CAMTA1: variants seen among roughly 807,000 people sequenced by gnomAD.
CAMTA1 encodes calmodulin-binding transcription activator 1.
Under a neutral mutation model 170.9 loss-of-function variants are expected in CAMTA1, and 27 were observed. That is an observed-to-expected ratio of 0.16 (90% confidence interval 0.12 to 0.22). CAMTA1 has a LOEUF of 0.22. Among genes scored for constraint, CAMTA1 ranks in the 10% least tolerant of loss-of-function variants. CAMTA1 has a pLI of 1.00. For synonymous variants in CAMTA1, 833 were observed against 891.5 expected (o/e 0.93, Z 1.17); for missense variants, 1,619 against 2,217.2 (o/e 0.73, Z 5.42).
chr1:7,099,831 C>T (rs367715119), intron 4 of CAMTA1, among the ~76,000 whole-genome samples: 2 of 152,212 alleles, frequency 1.3e-5, no homozygotes, highest in Non-Finnish European at 2.9e-5. Context: ...GGAATGTCAG[C>T]ATTGGGTATG....
At chr1:7,329,289 T>A (rs2082879075) in intron 5 of CAMTA1, among the ~76,000 whole-genome samples, 1 of 152,224 alleles carries the variant, frequency 6.6e-6, no homozygotes, top group African/African-American at 2.4e-5. Flanking sequence ...TATGACTAAA[T>A]GTTTTCTAAA....
At chr1:7,472,541 C>T (rs1213230451) in intron 6 of CAMTA1, among the ~76,000 whole-genome samples, 1 of 152,120 alleles carries the variant, frequency 6.6e-6, no homozygotes, top group Non-Finnish European at 1.5e-5. Flanking sequence ...TCCGCTGCCT[C>T]CCCTGGGGGC....
At chr1:6,886,141 G>C in intron 3 of CAMTA1, 1 of 448,160 alleles carries the variant, frequency 2.2e-6, no homozygotes, top group Non-Finnish European at 4.5e-6. Flanking sequence ...GGATGGATGG[G>C]GGAAGTGACA....
intron 7 of CAMTA1, among the ~76,000 whole-genome samples, chr1:7,655,181 TACACAA>T (rs2095882540): frequency 4.2e-5 from 4 of 95,372 alleles, no homozygotes; most frequent in African/African-American, 1.7e-4. Flanking sequence ...CACACACCTA[TACACAA>T]ACACACACCC....
intron 11 of CAMTA1, among the ~76,000 whole-genome samples, chr1:7,713,727 T>A (rs1375753616): frequency 6.6e-6 from 1 of 152,206 alleles, no homozygotes; most frequent in Non-Finnish European, 1.5e-5. Flanking sequence ...CATGGTTCTT[T>A]GAGCCCCCTG....
At chr1:7,244,132 AT>A (rs1480574281) in intron 4 of CAMTA1, among the ~76,000 whole-genome samples, 1 of 152,218 alleles carries the variant, frequency 6.6e-6, no homozygotes, top group Non-Finnish European at 1.5e-5. Context: ...CAAAAAACAC[AT>A]GAAAAAATGC....
intron 17 of CAMTA1, 23 bp downstream of exon 17, chr1:7,745,045 C>T (rs776572212): frequency 3.5e-5 from 56 of 1,595,556 alleles, no homozygotes; most frequent in Non-Finnish European, 4.8e-5. Context: ...ACGGAGGTCA[C>T]TACCCAGCAT....
chr1:7,568,344 A>AC (rs1269578915), intron 6 of CAMTA1, among the ~76,000 whole-genome samples: 2 of 146,016 alleles, frequency 1.4e-5, no homozygotes, highest in African/African-American at 2.7e-5. Flanking sequence ...CATCATCACC[A>AC]CATCACCATC....
At chr1:6,922,942 G>A (rs912095128) in intron 3 of CAMTA1, among the ~76,000 whole-genome samples, 4 of 152,152 alleles carry the variant, frequency 2.6e-5, no homozygotes, top group African/African-American at 9.7e-5. Context: ...ACGGTGGCAA[G>A]CTCTGCTTCC....
intron 6 of CAMTA1, among the ~76,000 whole-genome samples, chr1:7,553,890 T>A (rs2094841971): frequency 6.6e-6 from 1 of 152,200 alleles, no homozygotes; most frequent in African/African-American, 2.4e-5. Flanking sequence ...TGTCACCCTG[T>A]GCTAAGATGA....
chr1:7,187,291 A>T (rs1216507787), intron 4 of CAMTA1, among the ~76,000 whole-genome samples: 1 of 152,098 alleles, frequency 6.6e-6, no homozygotes, highest in African/African-American at 2.4e-5. Context: ...GGAAATGAAG[A>T]CAGTGGTGGT....
chr1:7,690,428 T>G (rs976963661), intron 11 of CAMTA1, among the ~76,000 whole-genome samples: 2 of 152,096 alleles, frequency 1.3e-5, no homozygotes, highest in African/African-American at 4.8e-5. Flanking sequence ...TCATACCAAA[T>G]CCTGAGATGT....
At chr1:7,227,080 G>A (rs112936097) in intron 4 of CAMTA1, among the ~76,000 whole-genome samples, 3 of 152,136 alleles carry the variant, frequency 2.0e-5, no homozygotes, top group African/African-American at 7.2e-5. Flanking sequence ...TGATCCACCC[G>A]CCTCATCTTC....
intron 5 of CAMTA1, among the ~76,000 whole-genome samples, chr1:7,412,734 T>C (rs1402061888): frequency 2.0e-5 from 3 of 152,092 alleles, no homozygotes; most frequent in Non-Finnish European, 4.4e-5. Context: ...TAGTTTCTTT[T>C]GCTGTGCAGA....
In CAMTA1 at chr1:7,063,891, C is replaced by G. The variant is rs923607492; in HGVS notation, c.235-27413C>G. 6.6e-6 allele frequency among the ~76,000 whole-genome samples: 1 copy of G among 152,204 alleles called. No homozygotes were observed. Among genetic ancestry groups the G allele is most frequent in the Admixed American group, 6.5e-5 (1 of 15,280 alleles). On this transcript the variant is annotated intron_variant, in intron 3 of 22. Coordinates refer to ENST00000303635, the MANE Select transcript of CAMTA1 (RefSeq NM_015215.4). This position sits in a 1 kb window ranked among gnomAD's most constrained non-coding sequence, Gnocchi z 4.3. ...AAATTCATGTACTAGTCTGCTCAGG[C>G]TGCTGTAACAAAATACCATAGACTG...
At chr1:6,955,495 C>A (rs1412879785) in intron 3 of CAMTA1, among the ~76,000 whole-genome samples, 7 of 152,252 alleles carry the variant, frequency 4.6e-5, no homozygotes, top group Admixed American at 4.6e-4. Context: ...GGAGTCCTGG[C>A]CTTGTGGCCC....
chr1:7,107,278 A>ATGTGCGTG (rs1553247658), intron 4 of CAMTA1, among the ~76,000 whole-genome samples: 2 of 142,332 alleles, frequency 1.4e-5, no homozygotes, highest in Admixed American at 1.4e-4. Context: ...GTGTGTGTGC[A>ATGTGCGTG]TGTGTGTGTG....
At chr1:7,008,128 C>T (rs898070108) in intron 3 of CAMTA1, among the ~76,000 whole-genome samples, 1 of 152,154 alleles carries the variant, frequency 6.6e-6, no homozygotes, top group African/African-American at 2.4e-5. Context: ...CACCGTGGGT[C>T]GTGGAAGGGA....
At chr1:7,270,236 T>C (rs61780042) in intron 5 of CAMTA1, among the ~76,000 whole-genome samples, 15,121 of 72,616 alleles carry the variant, frequency 0.21, 1,077 homozygotes, top group South Asian at 0.35. Context: ...TATATACACA[T>C]ATATACATAC....
Sources: gnomAD v4.1 joint callset for allele counts (sites outside exome capture counted in the v4.1 genomes callset) on GRCh38, gnomAD v4.1.1 for gene constraint, Gnocchi (gnomAD v3.1) non-coding constraint, MANE v1.5 for transcripts, NCBI Gene and HGNC (gene_info 2026-07-23, HGNC 2026-07-21) for gene names.